The following PRKCA variants were observed in gnomAD, a reference collection of about 807,000 sequenced individuals.
PRKCA encodes protein kinase C alpha type.
In PRKCA, 27 loss-of-function variants were observed where a neutral mutation model predicts 87.0. The observed-to-expected ratio is 0.31, with a 90% CI of 0.23 to 0.43. PRKCA has a LOEUF of 0.43. Ranked by LOEUF, PRKCA falls within the 20% of genes least tolerant of loss-of-function variation. The pLI, the probability that PRKCA is intolerant of heterozygous loss-of-function variation, is 1.00. For missense variants in PRKCA, 518 were observed against 852.3 expected (o/e 0.61, Z 4.88); for synonymous variants, 329 against 311.1 (o/e 1.06, Z -0.61).
chr17:66,387,630 C>G (rs1232065186), intron 2 of PRKCA, among the ~76,000 whole-genome samples: 1 of 152,216 alleles, frequency 6.6e-6, no homozygotes, highest in Non-Finnish European at 1.5e-5. Flanking sequence ...CTGTCACTTG[C>G]TTTGCTACTT....
rs150826838 is a variant in PRKCA, at chr17:66,482,059, C to T, written c.206-14142C>T. On this transcript the variant is annotated intron_variant, in intron 2 of 16. Transcript: ENST00000413366. ...GAGGTTGCAGTGAGCCAAAATCGCG[C>T]CATTGTACTCCAGCCTGGGCGACAG... Among the ~76,000 whole-genome samples, 7 of 136,700 alleles carry T rather than the reference C, an allele frequency of 5.1e-5. No homozygotes were observed. In the East Asian group the frequency reaches 1.5e-3, roughly 30 times the overall value. 89.7% of individuals were successfully genotyped at this position (136,700 alleles called of 152,430 possible). A position where few individuals can be genotyped will look rare whatever the true frequency, so the allele number is the denominator to read the frequency against.
intron 8 of PRKCA, among the ~76,000 whole-genome samples, chr17:66,702,159 CAT>C (rs1187688637): frequency 6.6e-6 from 1 of 151,802 alleles, no homozygotes; most frequent in Non-Finnish European, 1.5e-5. Context: ...TACACACACA[CAT>C]ATATACATGT....
chr17:66,440,987 C>G (rs1260120914), intron 2 of PRKCA, among the ~76,000 whole-genome samples: 1 of 151,798 alleles, frequency 6.6e-6, no homozygotes, highest in Non-Finnish European at 1.5e-5. Flanking sequence ...CATGGTGAAC[C>G]CTGTCTCTAC....
intron 8 of PRKCA, among the ~76,000 whole-genome samples, chr17:66,727,398 C>T (rs893676299): frequency 1.3e-5 from 2 of 152,152 alleles, no homozygotes; most frequent in East Asian, 3.9e-4. Flanking sequence ...CCTGTTTTTA[C>T]ACTAAATATT....
At chr17:66,801,428 T>C (rs1168495317) in intron 16 of PRKCA, among the ~76,000 whole-genome samples, 1 of 152,196 alleles carries the variant, frequency 6.6e-6, no homozygotes, top group Admixed American at 6.5e-5. Context: ...GAACCACTGG[T>C]ATAACCAGAG....
At position 66,735,479 on chromosome 17, in the gene PRKCA, G is replaced by A. The variant is rs763580532; in HGVS notation, c.1057-10G>A. The A allele has an allele frequency of 2.5e-5, 41 of 1,613,992 alleles. No individual in the cohort carries two copies. The highest frequency in any genetic ancestry group is 1.0e-4 in the Admixed American group (6 of 59,992). On this transcript the variant is annotated splice_polypyrimidine_tract_variant and intron_variant, in intron 9 of 16. Transcript: ENST00000413366. ...TACAAGTGTTCAGGTTGTTCTTGAC[G>A]TGTTCTCAGGTGATGCTTGCCGACA... is the stretch of plus-strand genomic sequence containing the variant.
At chr17:66,478,684 A>C (rs550732994) in intron 2 of PRKCA, among the ~76,000 whole-genome samples, 1 of 152,322 alleles carries the variant, frequency 6.6e-6, no homozygotes, top group South Asian at 2.1e-4. Flanking sequence ...ATGGTTGAAA[A>C]AATTAGAGAA....
chr17:66,579,692 T>G (rs1181221835), intron 3 of PRKCA, among the ~76,000 whole-genome samples: 1 of 152,004 alleles, frequency 6.6e-6, no homozygotes, highest in Non-Finnish European at 1.5e-5. Context: ...GAAAGAGGCC[T>G]TTGTGACTGG....
intron 2 of PRKCA, among the ~76,000 whole-genome samples, chr17:66,462,454 T>G (rs1381815031): frequency 6.6e-6 from 1 of 152,240 alleles, no homozygotes; most frequent in African/African-American, 2.4e-5. Flanking sequence ...AGTTCCATTT[T>G]TCTAATACTT....
intron 13 of PRKCA, among the ~76,000 whole-genome samples, chr17:66,743,072 T>C (rs61761554): frequency 0.027 from 4,098 of 152,342 alleles, 186 homozygotes; most frequent in African/African-American, 0.093. Flanking sequence ...GGCTCACGCC[T>C]GTAATCCCAG....
chr17:66,753,034 G>C (rs1204887986), intron 13 of PRKCA, among the ~76,000 whole-genome samples: 1 of 152,162 alleles, frequency 6.6e-6, no homozygotes, highest in Non-Finnish European at 1.5e-5. Flanking sequence ...TTTTTACCAA[G>C]AGGCAAAATT....
chr17:66,606,710 C>T (rs986764590), intron 3 of PRKCA, among the ~76,000 whole-genome samples: 4 of 152,046 alleles, frequency 2.6e-5, no homozygotes, highest in East Asian at 1.9e-4. Flanking sequence ...CAGGTTATAT[C>T]GTAAATTGAT....
At chr17:66,644,218 A>C (rs1259012117) in intron 4 of PRKCA, among the ~76,000 whole-genome samples, 1 of 152,250 alleles carries the variant, frequency 6.6e-6, no homozygotes, top group Non-Finnish European at 1.5e-5. Context: ...TTCTTTCCTC[A>C]GTATGTCCAT....
intron 2 of PRKCA, among the ~76,000 whole-genome samples, chr17:66,362,016 G>C (rs1043891534): frequency 1.9e-4 from 29 of 151,854 alleles, no homozygotes; most frequent in Non-Finnish European, 3.5e-4. Flanking sequence ...GTTCTAGAAG[G>C]GGTTGAGCTC....
At chr17:66,482,344 T>C (rs1203176707) in intron 2 of PRKCA, among the ~76,000 whole-genome samples, 3 of 152,016 alleles carry the variant, frequency 2.0e-5, no homozygotes, top group Non-Finnish European at 4.4e-5. Context: ...AGAACAGAGG[T>C]AAGGAAGAAT....
intron 5 of PRKCA, among the ~76,000 whole-genome samples, chr17:66,653,791 T>TTAAA (rs752109699): frequency 9.8e-6 from 1 of 102,526 alleles, no homozygotes; most frequent in African/African-American, 3.4e-5. Flanking sequence ...TTCCAGCTCT[T>TTAAA]AAAAAAAAAA....
At chr17:66,304,408 C>T (rs1000692474) in intron 1 of PRKCA, among the ~76,000 whole-genome samples, 3 of 152,196 alleles carry the variant, frequency 2.0e-5, no homozygotes, top group Admixed American at 6.5e-5. Flanking sequence ...AGTTGCCCGA[C>T]GTCCTGACTC....
chr17:66,709,561 A>G (rs980950541), intron 8 of PRKCA, among the ~76,000 whole-genome samples: 3 of 151,822 alleles, frequency 2.0e-5, no homozygotes, highest in Non-Finnish European at 4.4e-5. Flanking sequence ...CACCCACCTC[A>G]GCCTCCCAAA....
chr17:66,409,361 C>T (rs1468669906), intron 2 of PRKCA, among the ~76,000 whole-genome samples: 1 of 152,172 alleles, frequency 6.6e-6, no homozygotes, highest in Non-Finnish European at 1.5e-5. Flanking sequence ...GGTGACACCT[C>T]CTTGTCTTGG....
Sources: allele counts gnomAD v4.1 joint callset (sites outside exome capture counted in the v4.1 genomes callset), GRCh38; gene constraint gnomAD v4.1.1; transcripts MANE v1.5; gene names NCBI Gene and HGNC (gene_info 2026-07-23, HGNC 2026-07-21).